Variants in APPL2 observed in about 807,000 individuals in gnomAD.
The protein encoded by APPL2 is DCC-interacting protein 13-beta.
Under a neutral mutation model 92.7 loss-of-function variants are expected in APPL2, and 84 were observed. The ratio of observed to expected loss-of-function variants is 0.91; its 90% CI spans 0.76 to 1.09. The LOEUF (loss-of-function observed/expected upper bound fraction) is 1.09, where lower values mean the gene tolerates loss of function less well. APPL2 is among the 50% of genes least tolerant of loss of function. The pLI is 0.00. For missense variants in APPL2, 736 were observed against 824.5 expected (o/e 0.89, Z 1.31); for synonymous variants, 291 against 291.0 (o/e 1.00, Z 0.00).
At chr12:105,220,821 G>A (rs1163415745) in intron 2 of APPL2, among the ~76,000 whole-genome samples, 1 of 152,240 alleles carries the variant, frequency 6.6e-6, no homozygotes, top group African/African-American at 2.4e-5. Flanking sequence ...CCTCCGCTCA[G>A]GGAAGAAGGG....
intron 19 of APPL2, 99 bp from the exon 20 acceptor site, chr12:105,176,181 T>C (rs1479139179): frequency 9.4e-7 from 1 of 1,066,310 alleles, no homozygotes; most frequent in Admixed American, 2.5e-5. Flanking sequence ...CTGTTCTCAC[T>C]GTTCCCACTT....
chr12:105,178,051 A>T (rs1303313274), intron 17 of APPL2, among the ~76,000 whole-genome samples: 1 of 152,208 alleles, frequency 6.6e-6, no homozygotes, highest in Non-Finnish European at 1.5e-5. Flanking sequence ...TCAGTCTCCC[A>T]AAGTGCTGGG....
At chr12:105,193,362 G>GT (rs1887388545) in intron 14 of APPL2, among the ~76,000 whole-genome samples, 1 of 152,194 alleles carries the variant, frequency 6.6e-6, no homozygotes, top group African/African-American at 2.4e-5. Context: ...CTAGTTCCCT[G>GT]TATGTCACAA....
chr12:105,233,355 T>A, intron 1 of APPL2: 2 of 985,444 alleles, frequency 2.0e-6, no homozygotes, highest in Non-Finnish European at 2.4e-6. Context: ...TTCCCACATA[T>A]GAGAGGTAAG....
rs150286836 is a variant in APPL2 at position 105,197,757 on chromosome 12, A to G, written c.1052+8T>C. ...ATTCTCCTCCCAAATAAAACGCGTG[A>G]AACATACGATTTTCCATTGGGCGTG... On this transcript the variant is annotated splice_region_variant and intron_variant, in intron 11 of 20. Coordinates refer to ENST00000258530, the MANE Select transcript of APPL2 (RefSeq NM_018171.5). 2.1e-4 allele frequency: 337 copies of G among 1,614,164 alleles called. No homozygotes were observed. The highest frequency in any genetic ancestry group is 6.5e-4 in the Admixed American group (39 of 60,016).
intron 8 of APPL2, among the ~76,000 whole-genome samples, chr12:105,205,967 T>C (rs1343091103): frequency 6.6e-6 from 1 of 152,210 alleles, no homozygotes; most frequent in East Asian, 1.9e-4. Context: ...TATTTAAGTA[T>C]CACTTCCAAA....
intron 14 of APPL2, 95 bp downstream of exon 14, chr12:105,195,166 G>A: frequency 8.1e-7 from 1 of 1,236,378 alleles, no homozygotes; most frequent in Non-Finnish European, 1.2e-6. Context: ...TGAAAAACAT[G>A]CCTTGGTTTG....
rs1885226358 is a variant in APPL2, at chr12:105,173,949, G to A, written c.*365C>T. 6.3e-6 allele frequency: 1 copy of A among 158,542 alleles called. No homozygotes were observed. Among genetic ancestry groups the A allele is most frequent in the Non-Finnish European group, 1.4e-5 (1 of 72,758 alleles). 9.8% of individuals were successfully genotyped at this position (158,542 alleles called of 1,614,324 possible). ...AGAAATATTTAGTGTTCATCAAATT[G>A]TAAATCTAGGCTTTTGCCATTTTTT... is the stretch of plus-strand genomic sequence containing the variant. On this transcript the variant is annotated 3_prime_UTR_variant, in exon 21 of 21. Coordinates refer to ENST00000258530, the MANE Select transcript of APPL2 (RefSeq NM_018171.5).
At chr12:105,176,116 A>C (rs1299457126) in intron 19 of APPL2, 34 bp from the exon 20 acceptor site, 2 of 1,564,084 alleles carry the variant, frequency 1.3e-6, no homozygotes, top group Admixed American at 3.6e-5. Flanking sequence ...GATTGGCAAA[A>C]GTAGAGAAGG....
At chr12:105,219,425 C>T (rs1889933334) in intron 2 of APPL2, among the ~76,000 whole-genome samples, 1 of 152,162 alleles carries the variant, frequency 6.6e-6, no homozygotes, top group Non-Finnish European at 1.5e-5. Flanking sequence ...TCAAAACTAA[C>T]CAGAAATGTG....
intron 4 of APPL2, among the ~76,000 whole-genome samples, chr12:105,213,931 A>C (rs1281694187): frequency 6.6e-6 from 1 of 152,192 alleles, no homozygotes; most frequent in African/African-American, 2.4e-5. Flanking sequence ...TCACACCTGT[A>C]ATCTCAGCAC....
chr12:105,184,188 C>T (rs1326476615), intron 17 of APPL2, among the ~76,000 whole-genome samples: 7 of 152,150 alleles, frequency 4.6e-5, no homozygotes, highest in African/African-American at 7.2e-5. Flanking sequence ...TTAGCTTCCT[C>T]GCATTGGGTT....
intron 14 of APPL2, among the ~76,000 whole-genome samples, chr12:105,193,258 C>T (rs1266096529): frequency 3.3e-5 from 5 of 152,156 alleles, no homozygotes; most frequent in East Asian, 1.9e-4. Flanking sequence ...TTTTAGGAAA[C>T]GTATCACACC....
At chr12:105,231,412 T>C (rs1890910067) in intron 1 of APPL2, among the ~76,000 whole-genome samples, 1 of 152,206 alleles carries the variant, frequency 6.6e-6, no homozygotes, top group South Asian at 2.1e-4. Flanking sequence ...GCACTAAACA[T>C]ATGTGACTTC....
intron 2 of APPL2, among the ~76,000 whole-genome samples, chr12:105,221,696 T>C (rs941979628): frequency 6.6e-6 from 1 of 151,760 alleles, no homozygotes; most frequent in Non-Finnish European, 1.5e-5. Context: ...CCGCTCTGGC[T>C]GCCATCTACA....
chr12:105,201,744 T>TTA (rs1231429012), intron 9 of APPL2, among the ~76,000 whole-genome samples: 1 of 152,064 alleles, frequency 6.6e-6, no homozygotes, highest in East Asian at 1.9e-4. Context: ...ATATATAAAA[T>TTA]TATATATATC....
At chr12:105,228,656 T>G (rs1448684859) in intron 2 of APPL2, among the ~76,000 whole-genome samples, 2 of 138,320 alleles carry the variant, frequency 1.4e-5, no homozygotes, top group Non-Finnish European at 3.3e-5. Flanking sequence ...AAGCCAGAGA[T>G]ATTTGTTCCA....
At chr12:105,232,053 A>G (rs945221712) in intron 1 of APPL2, among the ~76,000 whole-genome samples, 2 of 152,202 alleles carry the variant, frequency 1.3e-5, no homozygotes, top group African/African-American at 2.4e-5. Flanking sequence ...TAACAACAGC[A>G]ATCATTTATG....
intron 14 of APPL2, among the ~76,000 whole-genome samples, chr12:105,192,800 C>T (rs533639012): frequency 5.9e-5 from 9 of 152,262 alleles, no homozygotes; most frequent in African/African-American, 2.2e-4. Flanking sequence ...CTTACCTAGG[C>T]CAGGCCTGGG....
Sources: allele counts gnomAD v4.1 joint callset (sites outside exome capture counted in the v4.1 genomes callset), GRCh38; gene constraint gnomAD v4.1.1; transcripts MANE v1.5; gene names NCBI Gene and HGNC (gene_info 2026-07-23, HGNC 2026-07-21).